The following ROBO1 variants were observed in gnomAD, a reference collection of about 807,000 sequenced individuals.
ROBO1 encodes roundabout guidance receptor 1.
In ROBO1, 149 loss-of-function variants were observed where a neutral mutation model predicts 195.9. The observed-to-expected ratio is 0.76, with a 90% CI of 0.67 to 0.87. ROBO1 has a LOEUF of 0.87. Ranked by LOEUF, ROBO1 falls within the 40% of genes least tolerant of loss-of-function variation. The pLI, the probability that ROBO1 is intolerant of heterozygous loss-of-function variation, is 0.00. For synonymous variants in ROBO1, 816 were observed against 733.2 expected (o/e 1.11, Z -1.82); for missense variants, 1,933 against 2,068.3 (o/e 0.93, Z 1.27).
chr3:79,428,530 G>A (rs1463929589), intron 2 of ROBO1, among the ~76,000 whole-genome samples: 3 of 151,980 alleles, frequency 2.0e-5, no homozygotes, highest in African/African-American at 4.8e-5. Flanking sequence ...TATTTTTAGC[G>A]GGAATGCAAA....
chr3:79,747,583 C>T (rs1353881397), intron 1 of ROBO1, among the ~76,000 whole-genome samples: 2 of 151,938 alleles, frequency 1.3e-5, no homozygotes, highest in Non-Finnish European at 2.9e-5. Flanking sequence ...CCAGTTTAAA[C>T]TGCTTAATAA....
At chr3:79,302,816 G>A (rs965467422) in intron 2 of ROBO1, among the ~76,000 whole-genome samples, 11 of 148,694 alleles carry the variant, frequency 7.4e-5, no homozygotes, top group African/African-American at 2.7e-4. Context: ...TAAAAAAAAA[G>A]ACAGAGAAAC....
At chr3:79,141,972 GGT>G (rs1491531199) in intron 2 of ROBO1, among the ~76,000 whole-genome samples, 3 of 150,258 alleles carry the variant, frequency 2.0e-5, no homozygotes, top group African/African-American at 4.9e-5. Flanking sequence ...TGACATTTGT[GGT>G]TTTTTTTGTG....
At chr3:78,751,794 T>C (rs1302228017) in intron 4 of ROBO1, among the ~76,000 whole-genome samples, 2 of 152,166 alleles carry the variant, frequency 1.3e-5, no homozygotes, top group Non-Finnish European at 2.9e-5. Flanking sequence ...CTAATTTTTA[T>C]CAATGCTTCC....
chr3:79,759,260 A>G lies in ROBO1; in HGVS notation c.-51+8492T>C, dbSNP rs182183293. ...GGTAAAATTTAATATAATATATACA[A>G]TATGATGGAATAATTTCCTTTCGAA... On this transcript the variant is annotated intron_variant, in intron 1 of 30. Transcript: ENST00000464233. Among the ~76,000 whole-genome samples, 148 of 152,334 alleles carry G rather than the reference A, an allele frequency of 9.7e-4. 1 individual carries two copies. Among genetic ancestry groups the G allele is most frequent in the African/African-American group, 3.3e-3 (138 of 41,568 alleles).
At chr3:78,623,531 T>C (rs1208210490) in intron 26 of ROBO1, among the ~76,000 whole-genome samples, 1 of 152,174 alleles carries the variant, frequency 6.6e-6, no homozygotes, top group Non-Finnish European at 1.5e-5. Flanking sequence ...TAAGGAACCC[T>C]GCTTTTATTT....
chr3:79,667,819 T>G (rs1416318996), intron 1 of ROBO1, among the ~76,000 whole-genome samples: 1 of 151,794 alleles, frequency 6.6e-6, no homozygotes, highest in African/African-American at 2.4e-5. Flanking sequence ...CAAGTAAAAC[T>G]TTCCAATATC....
intron 1 of ROBO1, among the ~76,000 whole-genome samples, chr3:79,611,613 C>A (rs966272316): frequency 6.6e-6 from 1 of 152,118 alleles, no homozygotes; most frequent in African/African-American, 2.4e-5. Flanking sequence ...TGGAAACCAT[C>A]ATTCTCAGCA....
intron 1 of ROBO1, among the ~76,000 whole-genome samples, chr3:79,687,126 C>G (rs1947141520): frequency 6.6e-6 from 1 of 152,152 alleles, no homozygotes; most frequent in South Asian, 2.1e-4. Context: ...AAATGATTCT[C>G]TATTTAATAA....
chr3:78,821,552 C>T (rs77267950), intron 4 of ROBO1, among the ~76,000 whole-genome samples: 2,073 of 152,166 alleles, frequency 0.014, 40 homozygotes, highest in African/African-American at 0.047. Context: ...CATTTTTCCC[C>T]TCTAAATTGC....
At chr3:78,751,620 A>G (rs2082799264) in intron 4 of ROBO1, among the ~76,000 whole-genome samples, 1 of 152,162 alleles carries the variant, frequency 6.6e-6, no homozygotes, top group African/African-American at 2.4e-5. Context: ...GACTCATTCT[A>G]TTGTAACATA....
At chr3:78,794,043 A>G (rs1459819732) in intron 4 of ROBO1, among the ~76,000 whole-genome samples, 1 of 152,130 alleles carries the variant, frequency 6.6e-6, no homozygotes, top group African/African-American at 2.4e-5. Context: ...ATCATTTCAT[A>G]TCATCAAAGA....
chr3:79,186,325 A>G (rs1294946624), intron 2 of ROBO1, among the ~76,000 whole-genome samples: 2 of 150,880 alleles, frequency 1.3e-5, no homozygotes, highest in Non-Finnish European at 2.9e-5. Flanking sequence ...GTATATCTAC[A>G]CACACATATT....
At chr3:78,944,850 A>C (rs529575545) in intron 3 of ROBO1, among the ~76,000 whole-genome samples, 44 of 152,270 alleles carry the variant, frequency 2.9e-4, no homozygotes, top group African/African-American at 1.0e-3. Context: ...AAAAAACGGC[A>C]CACCAGGAGA....
chr3:78,876,551 GAAT>G (rs931850734), intron 4 of ROBO1, among the ~76,000 whole-genome samples: 6 of 152,108 alleles, frequency 3.9e-5, no homozygotes, highest in Non-Finnish European at 8.8e-5. Flanking sequence ...ATGATTGTTA[GAAT>G]AATAAATTCA....
At chr3:79,507,928 A>C (rs2107529164) in intron 2 of ROBO1, 1 of 154,674 alleles carries the variant, frequency 6.5e-6, no homozygotes. Flanking sequence ...CTTCTTTATA[A>C]GAAGAGGAAA....
chr3:79,201,233 C>T (rs1200934017), intron 2 of ROBO1, among the ~76,000 whole-genome samples: 2 of 151,930 alleles, frequency 1.3e-5, no homozygotes, highest in African/African-American at 4.8e-5. Context: ...CTGTTTAAAA[C>T]CTCAGTGAAC....
chr3:78,920,622 CAGTTTTTTTTTTTTTTTT>C (rs2038883502), intron 4 of ROBO1, among the ~76,000 whole-genome samples: 1 of 112,694 alleles, frequency 8.9e-6, no homozygotes, highest in African/African-American at 3.7e-5. Flanking sequence ...TTCTTTCTTT[CAGTTTTTTTTTTTTTTTT>C]TTTTTTTTTT....
At chr3:79,450,233 A>G (rs2039397175) in intron 2 of ROBO1, among the ~76,000 whole-genome samples, 1 of 152,048 alleles carries the variant, frequency 6.6e-6, no homozygotes, top group Non-Finnish European at 1.5e-5. Flanking sequence ...TGAAAGAGTC[A>G]AATTCCTTTT....
Sources: gnomAD v4.1 joint callset for allele counts (sites outside exome capture counted in the v4.1 genomes callset) on GRCh38, gnomAD v4.1.1 for gene constraint, MANE v1.5 for transcripts, NCBI Gene and HGNC (gene_info 2026-07-23, HGNC 2026-07-21) for gene names.